The following VAV2 variants were observed in gnomAD, a reference collection of about 807,000 sequenced individuals.
VAV2 encodes guanine nucleotide exchange factor VAV2.
In VAV2, 67 loss-of-function variants were observed where a neutral mutation model predicts 132.5. The ratio of observed to expected loss-of-function variants is 0.51; its 90% confidence interval spans 0.42 to 0.62. VAV2 has a LOEUF of 0.62. Ranked by LOEUF, VAV2 falls within the 20% of genes least tolerant of loss-of-function variation. The pLI is 0.00. For synonymous variants in VAV2, 492 were observed against 443.5 expected (o/e 1.11, Z -1.37); for missense variants, 938 against 1,153.6 (o/e 0.81, Z 2.71).
intron 2 of VAV2, among the ~76,000 whole-genome samples, chr9:133,888,630 C>T (rs1359940171): frequency 6.6e-6 from 1 of 152,210 alleles, no homozygotes; most frequent in Non-Finnish European, 1.5e-5. Context: ...GCTTCCACAT[C>T]TCCAAGTCTC....
At chr9:133,936,156 G>A (rs2132124977) in intron 2 of VAV2, among the ~76,000 whole-genome samples, 2 of 152,318 alleles carry the variant, frequency 1.3e-5, no homozygotes, top group South Asian at 4.1e-4. Context: ...TGGGATGGCA[G>A]GGCTGGGACT....
chr9:133,820,917 A>G (rs149341995), intron 4 of VAV2, among the ~76,000 whole-genome samples: 91 of 151,180 alleles, frequency 6.0e-4, no homozygotes, highest in African/African-American at 2.2e-3. Flanking sequence ...ACGAGAACTC[A>G]GCGAAGACGC....
chr9:133,935,979 A>G lies in VAV2; in HGVS notation c.321+3124T>C, dbSNP rs1840894444. Among the ~76,000 whole-genome samples the G allele has an allele frequency of 6.6e-6, 1 of 152,150 alleles. No homozygotes were observed. The highest frequency in any genetic ancestry group is 2.4e-5 in the African/African-American group (1 of 41,434). Reference sequence around the variant, plus strand: ...CAAAGGGCATGGCTCAGATGCGGAGACCAGAAGCAGCAAGGCCCCAGAGTG... The same window carrying G: ...CAAAGGGCATGGCTCAGATGCGGAGGCCAGAAGCAGCAAGGCCCCAGAGTG... On this transcript the variant is annotated intron_variant, in intron 2 of 29. Transcript: ENST00000371850. The surrounding 1 kb of genome is among the most constrained non-coding windows in gnomAD (Gnocchi z 5.2).
At chr9:133,866,673 G>A (rs1207748015) in intron 2 of VAV2, among the ~76,000 whole-genome samples, 1 of 152,134 alleles carries the variant, frequency 6.6e-6, no homozygotes, top group Non-Finnish European at 1.5e-5. Context: ...GGGCGTGGTG[G>A]CACATGCCTG....
At chr9:133,783,655 A>G in intron 18 of VAV2, 64 bp from the exon 19 acceptor site, 2 of 1,506,180 alleles carry the variant, frequency 1.3e-6, no homozygotes, top group Non-Finnish European at 1.8e-6. Context: ...CTCTCTGCCA[A>G]GGTCAAGGCC....
At chr9:133,902,815 T>A (rs971866692) in intron 2 of VAV2, among the ~76,000 whole-genome samples, 6 of 152,170 alleles carry the variant, frequency 3.9e-5, no homozygotes, top group Non-Finnish European at 8.8e-5. Flanking sequence ...CTCACGCCTG[T>A]AACCCCAGCA....
At chr9:133,931,404 G>GGC (rs1554811487) in intron 2 of VAV2, among the ~76,000 whole-genome samples, 3 of 151,918 alleles carry the variant, frequency 2.0e-5, no homozygotes, top group Non-Finnish European at 4.4e-5. Flanking sequence ...CGCCCAGGGG[G>GGC]CCCCCCTCCT....
intron 19 of VAV2, among the ~76,000 whole-genome samples, chr9:133,782,174 C>T (rs1237205751): frequency 6.6e-6 from 1 of 152,058 alleles, no homozygotes; most frequent in Non-Finnish European, 1.5e-5. Context: ...GAAACATTGC[C>T]TTTCATCATT....
chr9:133,984,907 C>CA (rs35866348), intron 1 of VAV2, among the ~76,000 whole-genome samples: 26,295 of 128,688 alleles, frequency 0.2, 3,339 homozygotes, highest in East Asian at 0.62. Flanking sequence ...GGCCCTATCT[C>CA]AAAAAAAAAA....
rs1422863731 is a variant in VAV2, at chr9:133,991,009, C to T, written c.204+1066G>A. 6.6e-6 allele frequency among the ~76,000 whole-genome samples: 1 copy of T among 152,220 alleles called. No individual in the cohort carries two copies. Among genetic ancestry groups the T allele is most frequent in the Non-Finnish European group, 1.5e-5 (1 of 68,022 alleles). Reference sequence around the variant, plus strand: ...CCGCCAAAGGGCAGAGGCCTCGCTGCCCAGCCTGGAATCGCTGGTGACTCA... The same window carrying T: ...CCGCCAAAGGGCAGAGGCCTCGCTGTCCAGCCTGGAATCGCTGGTGACTCA... On this transcript the variant is annotated intron_variant, in intron 1 of 29. Coordinates refer to ENST00000371850, the MANE Select transcript of VAV2 (RefSeq NM_001134398.2). This position sits in a 1 kb window ranked among gnomAD's most constrained non-coding sequence, Gnocchi z 4.8.
intron 7 of VAV2, among the ~76,000 whole-genome samples, chr9:133,808,798 G>T (rs904491157): frequency 6.6e-6 from 1 of 152,230 alleles, no homozygotes; most frequent in Admixed American, 6.5e-5. Flanking sequence ...CCCCGATTAA[G>T]CTCAGAGGAG....
At chr9:133,872,025 C>T (rs1211160780) in intron 2 of VAV2, among the ~76,000 whole-genome samples, 3 of 152,228 alleles carry the variant, frequency 2.0e-5, no homozygotes, top group African/African-American at 4.8e-5. Flanking sequence ...AAGGTTCTCC[C>T]AGCTGGAATC....
Position 133,771,971 on chromosome 9 carries a change from G to A in VAV2, c.2211C>T (p.Phe737=), listed in dbSNP as rs543238251. The A allele has an allele frequency of 1.3e-5, 20 of 1,598,864 alleles. No individual in the cohort carries two copies. In the African/African-American group the frequency reaches 1.5e-4, roughly 12 times the overall value. Residue 737 remains phenylalanine (F), a synonymous_variant, in exon 26 of 30, where the codon TTC becomes TTT. Transcript: ENST00000371850. ...AGAAGTCACCTACCAGGAGGCTGTC[G>A]AATTTCTTGGCCTCTGTGATGTGGA... ...NWIHITEAKK[F]DSLLELVEYY... is the part of the protein sequence containing the mutation.
At chr9:133,888,950 G>A (rs964488350) in intron 2 of VAV2, among the ~76,000 whole-genome samples, 6 of 152,308 alleles carry the variant, frequency 3.9e-5, no homozygotes, top group African/African-American at 9.6e-5. Context: ...GCAAGGAGAC[G>A]ACACGAACAG....
intron 2 of VAV2, among the ~76,000 whole-genome samples, chr9:133,933,883 A>T (rs1564477349): frequency 4.5e-5 from 1 of 22,160 alleles, no homozygotes; most frequent in African/African-American, 8.4e-5. Flanking sequence ...GGATGGATGA[A>T]TGATGGATGG....
chr9:133,785,996 G>A (rs770341592), intron 16 of VAV2, 111 bp from the exon 17 acceptor site: 4 of 897,884 alleles, frequency 4.5e-6, no homozygotes, highest in South Asian at 2.8e-5. Context: ...ATATGCATAT[G>A]TGCACAGGTG....
intron 2 of VAV2, among the ~76,000 whole-genome samples, chr9:133,905,873 C>CA (rs35937766): frequency 4.6e-5 from 7 of 150,550 alleles, no homozygotes; most frequent in Admixed American, 1.3e-4. Context: ...CCCATCTCTA[C>CA]AAAAAAAAAT....
intron 1 of VAV2, among the ~76,000 whole-genome samples, chr9:133,944,231 C>T (rs1841280462): frequency 6.6e-6 from 1 of 152,172 alleles, no homozygotes; most frequent in African/African-American, 2.4e-5. Context: ...CGCCCTTCAG[C>T]CTATGTGGGC....
rs1490440560 is a variant in VAV2 at position 133,768,693 on chromosome 9, C to A, written c.2435-97G>T. The A allele has an allele frequency of 6.9e-7, 1 of 1,446,886 alleles. No homozygotes were observed. Among genetic ancestry groups the A allele is most frequent in the Non-Finnish European group, 9.3e-7 (1 of 1,079,090 alleles). 89.6% of individuals were successfully genotyped at this position (1,446,886 alleles called of 1,614,324 possible). On this transcript the variant is annotated intron_variant, in intron 28 of 29. Coordinates refer to ENST00000371850, the MANE Select transcript of VAV2 (RefSeq NM_001134398.2). The surrounding 1 kb of genome is among the most constrained non-coding windows in gnomAD (Gnocchi z 5.3). Reference sequence around the variant, plus strand: ...CCAAGCTGGGTCTCTCCCCTGGTGCCCAGAACCCTGCTCTGTACCCAGAGA... The same window carrying A: ...CCAAGCTGGGTCTCTCCCCTGGTGCACAGAACCCTGCTCTGTACCCAGAGA...
Sources: allele counts gnomAD v4.1 joint callset (sites outside exome capture counted in the v4.1 genomes callset), GRCh38; gene constraint gnomAD v4.1.1; non-coding constraint Gnocchi (gnomAD v3.1); transcripts MANE v1.5; gene names NCBI Gene and HGNC (gene_info 2026-07-23, HGNC 2026-07-21).